Variants in ZSCAN5A observed in about 807,000 individuals in gnomAD.
ZSCAN5A encodes zinc finger and SCAN domain containing 5A.
Under a neutral mutation model 23.7 loss-of-function variants are expected in ZSCAN5A, and 12 were observed. That is an observed-to-expected ratio of 0.51 (90% CI 0.32 to 0.82). ZSCAN5A has a LOEUF of 0.82. Among genes scored for constraint, ZSCAN5A ranks in the 40% least tolerant of loss-of-function variants. The pLI is 0.03. For missense variants in ZSCAN5A, 597 were observed against 617.9 expected (o/e 0.97, Z 0.36); for synonymous variants, 257 against 239.9 (o/e 1.07, Z -0.66).
rs1177734642 is a variant in ZSCAN5A at position 56,269,650 on chromosome 19, C to T, written c.-128+43633G>A. Reference sequence around the variant, plus strand: ...GAAAACAGAGAATCAGAGCAATGTACGGTGAGAAAGACTTGACCGGCCATC... The same window carrying T: ...GAAAACAGAGAATCAGAGCAATGTATGGTGAGAAAGACTTGACCGGCCATC... On this transcript the variant is annotated intron_variant, in intron 2 of 5. Coordinates refer to ENST00000683990, the MANE Select transcript of ZSCAN5A (RefSeq NM_001322064.3). 3.9e-5 allele frequency among the ~76,000 whole-genome samples: 6 copies of T among 152,096 alleles called. No homozygotes were observed. In the East Asian group the frequency reaches 9.6e-4, roughly 24 times the overall value.
intron 2 of ZSCAN5A, chr19:56,245,310 C>T (rs751309900): frequency 9.5e-6 from 7 of 740,148 alleles, no homozygotes; most frequent in African/African-American, 7.0e-5. Flanking sequence ...AGAGATGATC[C>T]GAGAGGCGTG....
chr19:56,335,809 G>C (rs8101850), intron 2 of ZSCAN5A, among the ~76,000 whole-genome samples: 11,219 of 151,520 alleles, frequency 0.074, 561 homozygotes, highest in African/African-American at 0.15. Flanking sequence ...GCATTTGCTT[G>C]TCTGTAAAGT....
intron 4 of ZSCAN5A, among the ~76,000 whole-genome samples, chr19:56,223,154 C>T (rs1283258312): frequency 2.0e-5 from 3 of 152,172 alleles, no homozygotes; most frequent in Non-Finnish European, 4.4e-5. Flanking sequence ...CACCTCCACC[C>T]TCTAGATGCT....
intron 4 of ZSCAN5A, 132 bp from the exon 5 acceptor site, chr19:56,222,873 CT>C: frequency 1.7e-6 from 2 of 1,207,006 alleles, no homozygotes; most frequent in Non-Finnish European, 2.4e-6. Flanking sequence ...CAGACTTCCC[CT>C]GGACCACCCC....
chr19:56,341,652 T>C (rs2041592662), intron 2 of ZSCAN5A, among the ~76,000 whole-genome samples: 1 of 147,412 alleles, frequency 6.8e-6, no homozygotes, highest in African/African-American at 2.6e-5. Context: ...TTAACCTCAG[T>C]TTTTTCTAAG....
upstream of ZSCAN5A, chr19:56,315,614 C>T (rs544448860): frequency 6.6e-6 from 1 of 152,354 alleles, no homozygotes; most frequent in Admixed American, 6.5e-5. Flanking sequence ...TTTGAGGCCA[C>T]CTACCCTATA....
chr19:56,311,335 G>C (rs2041023079), intron 2 of ZSCAN5A, among the ~76,000 whole-genome samples: 1 of 152,130 alleles, frequency 6.6e-6, no homozygotes, highest in Non-Finnish European at 1.5e-5. Flanking sequence ...GTTTTGGGTG[G>C]AAACAATTCT....
At chr19:56,329,858 G>T (rs1011520790) in intron 2 of ZSCAN5A, among the ~76,000 whole-genome samples, 2 of 151,952 alleles carry the variant, frequency 1.3e-5, no homozygotes, top group African/African-American at 4.8e-5. Context: ...TCCACTTTAG[G>T]TTCATGGAAT....
chr19:56,340,576 C>T (rs894792023), intron 2 of ZSCAN5A, among the ~76,000 whole-genome samples: 5 of 152,192 alleles, frequency 3.3e-5, no homozygotes, highest in African/African-American at 1.2e-4. Flanking sequence ...CAAGCTTAAT[C>T]AGGAAAGCTT....
intron 2 of ZSCAN5A, among the ~76,000 whole-genome samples, chr19:56,288,246 G>A (rs1416416356): frequency 6.6e-6 from 1 of 152,152 alleles, no homozygotes; most frequent in East Asian, 1.9e-4. Flanking sequence ...ATGCCCCTGA[G>A]GTGGGCTCCT....
chr19:56,345,089 G>T (rs1278828729), intron 2 of ZSCAN5A, among the ~76,000 whole-genome samples: 1 of 151,536 alleles, frequency 6.6e-6, no homozygotes, highest in African/African-American at 2.4e-5. Context: ...CTGGGCAACA[G>T]AGCGAGACTA....
In ZSCAN5A at chr19:56,221,461, G is replaced by C; in HGVS notation, c.*114C>G. The C allele has an allele frequency of 7.6e-7, 1 of 1,313,976 alleles. No individual in the cohort carries two copies. Among genetic ancestry groups the C allele is most frequent in the Non-Finnish European group, 1.0e-6 (1 of 959,832 alleles). 81.4% of individuals were successfully genotyped at this position (1,313,976 alleles called of 1,614,324 possible). ...AACATCCTGGCAATTCATATCTAGG[G>C]CACTCCCTCTGTGTGTCAGACGCCC... On this transcript the variant is annotated 3_prime_UTR_variant, in exon 6 of 6. Transcript: ENST00000683990.
At chr19:56,225,323 C>G (rs1206614681) in intron 2 of ZSCAN5A, 150 bp from the exon 3 acceptor site, 1 of 583,548 alleles carries the variant, frequency 1.7e-6, no homozygotes, top group Admixed American at 4.2e-5. Context: ...ACTACATACT[C>G]TGGTTTAAAA....
At chr19:56,284,264 G>A in intron 2 of ZSCAN5A, 1 of 812,740 alleles carries the variant, frequency 1.2e-6, no homozygotes, top group Non-Finnish European at 1.5e-6. Context: ...GGGAAATTTT[G>A]GGCTTTGCTC....
intron 2 of ZSCAN5A, chr19:56,228,169 G>GA (rs2034131971): frequency 1.0e-6 from 1 of 974,276 alleles, no homozygotes; most frequent in Non-Finnish European, 1.2e-6. Flanking sequence ...GAAAACGCAC[G>GA]AAAAAATAAA....
At chr19:56,245,360 G>T in intron 2 of ZSCAN5A, 1 of 752,914 alleles carries the variant, frequency 1.3e-6, no homozygotes, top group East Asian at 2.5e-5. Context: ...GATGCGTCCG[G>T]GGGAAGGCCA....
intron 2 of ZSCAN5A, among the ~76,000 whole-genome samples, chr19:56,285,290 C>G (rs1369608840): frequency 1.3e-5 from 2 of 152,138 alleles, no homozygotes; most frequent in East Asian, 3.8e-4. Flanking sequence ...ATCGAGGAAA[C>G]ATAAAATGAA....
intron 2 of ZSCAN5A, among the ~76,000 whole-genome samples, chr19:56,340,265 CT>C (rs1459870035): frequency 6.6e-6 from 1 of 152,108 alleles, no homozygotes; most frequent in African/African-American, 2.4e-5. Context: ...GAAAGCCCCC[CT>C]ATCATCTTTC....
chr19:56,301,538 G>T (rs2040231595), intron 2 of ZSCAN5A, among the ~76,000 whole-genome samples: 1 of 152,134 alleles, frequency 6.6e-6, no homozygotes, highest in African/African-American at 2.4e-5. Context: ...TATCAGCAGG[G>T]TCTTTGCGAC....
Sources: gnomAD v4.1 joint callset for allele counts (sites outside exome capture counted in the v4.1 genomes callset) on GRCh38, gnomAD v4.1.1 for gene constraint, MANE v1.5 for transcripts, NCBI Gene and HGNC (gene_info 2026-07-23, HGNC 2026-07-21) for gene names.